Variants in NADSYN1 observed in about 807,000 individuals in gnomAD.
NADSYN1 encodes the protein glutamine-dependent NAD(+) synthetase.
In NADSYN1, 80 loss-of-function variants were observed where a neutral mutation model predicts 99.3. The ratio of observed to expected loss-of-function variants is 0.81; its 90% CI spans 0.67 to 0.97. The LOEUF (loss-of-function observed/expected upper bound fraction) is 0.97. Among genes scored for constraint, NADSYN1 ranks in the 50% least tolerant of loss-of-function variants. The pLI is 0.00. For missense variants in NADSYN1, 859 were observed against 948.5 expected, an observed-to-expected ratio of 0.91 and a Z score of 1.24; for synonymous variants, 385 against 372.1, an observed-to-expected ratio of 1.03 and a Z score of -0.40.
intron 5 of NADSYN1, among the ~76,000 whole-genome samples, chr11:71,469,113 A>C (rs1034040199): frequency 6.6e-5 from 10 of 152,022 alleles, no homozygotes; most frequent in Admixed American, 6.6e-4. Context: ...AACTGGCTCT[A>C]ATATTTCCAT....
intron 5 of NADSYN1, among the ~76,000 whole-genome samples, chr11:71,466,308 G>T (rs1949589074): frequency 6.6e-6 from 1 of 152,070 alleles, no homozygotes; most frequent in Non-Finnish European, 1.5e-5. Context: ...CACTTAACAT[G>T]CCCCCATCCT....
intron 9 of NADSYN1, chr11:71,474,809 C>G: frequency 2.4e-6 from 1 of 424,756 alleles, no homozygotes; most frequent in Non-Finnish European, 4.4e-6. Flanking sequence ...CTGATGGCCT[C>G]AAATTTACCT....
In NADSYN1 at chr11:71,464,134, G is replaced by C. The variant is rs926575716; in HGVS notation, c.399G>C (p.Ser133=). The change falls in exon 5 of 21, where the codon TCG becomes TCC. Residue 133 remains serine, a synonymous_variant. Coordinates refer to ENST00000319023, the MANE Select transcript of NADSYN1 (RefSeq NM_018161.5). ...YRELRWFTPW[S]RSRHTEEYFL... ...AGCTGCGCTGGTTCACCCCGTGGTC[G>C]AGGAGTCGGTGAGTCGGGTGCCTGA... The C allele has an allele frequency of 6.2e-7, 1 of 1,608,482 alleles. No homozygotes were observed. The highest frequency in any genetic ancestry group is 1.3e-5 in the African/African-American group (1 of 75,000).
In NADSYN1 at chr11:71,488,405, TGGA is replaced by T. The variant is rs1949758262; in HGVS notation, c.1563-2438_1563-2436del. On this transcript the variant is annotated intron_variant, in intron 16 of 20. Transcript: ENST00000319023. ...AAGGCCTGCGGGAGGCGAGGGTGGG[TGGA>T]GAAGAGCCCGTGAAGCCCTGAGTCA... 3.3e-5 allele frequency among the ~76,000 whole-genome samples: 5 copies of T among 151,686 alleles called. No individual in the cohort carries two copies. The South Asian group carries it at 1.0e-3, about 32-fold the overall frequency.
At position 71,474,442 on chromosome 11, in the gene NADSYN1, C is replaced by T. The variant is rs1949650617; in HGVS notation, c.714C>T (p.Asp238=). 2 of 1,614,104 alleles carry T rather than the reference C, an allele frequency of 1.2e-6. No homozygotes were observed. Among genetic ancestry groups the T allele is most frequent in the South Asian group, 2.2e-5 (2 of 91,084 alleles). Residue 238 remains aspartate (D), a synonymous_variant, in exon 9 of 21, where the codon GAC becomes GAT. Coordinates refer to ENST00000319023, the MANE Select transcript of NADSYN1 (RefSeq NM_018161.5). The part of the protein sequence containing the change: ...LLANQKGCDG[D]RLYYDGCAMI... ...CCAACCAGAAGGGTTGTGACGGGGA[C>T]CGCCTGTACTACGACGGCTGTGCCA...
In NADSYN1 at chr11:71,473,620, G is replaced by C; in HGVS notation, c.600G>C (p.Ser200=). The C allele has an allele frequency of 5.0e-6, 8 of 1,613,096 alleles. No individual in the cohort carries two copies. The highest frequency in any genetic ancestry group is 6.8e-6 in the Non-Finnish European group (8 of 1,179,840). Residue 200 remains serine (S), a synonymous_variant, in exon 8 of 21, where the codon TCG becomes TCC. Coordinates refer to ENST00000319023, the MANE Select transcript of NADSYN1 (RefSeq NM_018161.5). The stretch of plus-strand genomic sequence containing the variant: ...GCGTGGAGATCATCACCAACGCCTC[G>C]GGCAGCCACCAAGTGCTGCGCAAAG... ...LDGVEIITNA[S]GSHQVLRKAN...
At chr11:71,463,405 C>T (rs751709418) in intron 3 of NADSYN1, 27 bp from the exon 4 acceptor site, 339 of 1,605,920 alleles carry the variant, frequency 2.1e-4, no homozygotes, top group Non-Finnish European at 2.6e-4. Context: ...CGGGCAGACA[C>T]ACATGTACCT....
chr11:71,473,831 C>T, intron 8 of NADSYN1, 145 bp downstream of exon 8: 1 of 708,672 alleles, frequency 1.4e-6, no homozygotes, highest in Non-Finnish European at 2.4e-6. Context: ...AACAAGTGTG[C>T]CCTGCTGCCC....
In NADSYN1 at chr11:71,464,154, G is replaced by A. The variant is rs1362305372; in HGVS notation, c.407+12G>A. 1 of 1,595,882 alleles carries A rather than the reference G, an allele frequency of 6.3e-7. No homozygotes were observed. The highest frequency in any genetic ancestry group is 2.3e-5 in the East Asian group (1 of 44,404). ...TGGTCGAGGAGTCGGTGAGTCGGGT[G>A]CCTGACCACTCCTGGGATGTGCGTT... On this transcript the variant is annotated intron_variant, in intron 5 of 20. Coordinates refer to ENST00000319023, the MANE Select transcript of NADSYN1 (RefSeq NM_018161.5).
At position 71,480,804 on chromosome 11, in the gene NADSYN1, C is replaced by A. The variant is rs1383895796; in HGVS notation, c.923C>A (p.Ser308Ter). Residue 308 changes from serine (S) to a stop codon, truncating the protein, a stop_gained, in exon 11 of 21, where the codon TCG becomes TAG. Coordinates refer to ENST00000319023, the MANE Select transcript of NADSYN1 (RefSeq NM_018161.5). LOFTEE classifies it high-confidence loss of function. ...AGAGTGAAGGTGGACTTTGCCCTCT[C>A]GTGCCACGAGGACTTGCTGGCACCC... The part of the protein sequence containing the change: ...YPRVKVDFAL[S>*]CHEDLLAPIS... The A allele has an allele frequency of 6.2e-7, 1 of 1,614,186 alleles. No homozygotes were observed. Among genetic ancestry groups the A allele is most frequent in the Non-Finnish European group, 8.5e-7 (1 of 1,180,032 alleles).
chr11:71,477,294 C>G, intron 9 of NADSYN1: 1 of 1,271,064 alleles, frequency 7.9e-7, no homozygotes, highest in South Asian at 1.3e-5. Flanking sequence ...CGCCTTCCCT[C>G]ATCTCCATTG....
intron 17 of NADSYN1, 86 bp from the exon 18 acceptor site, chr11:71,491,748 C>T (rs1486153245): frequency 6.2e-5 from 80 of 1,293,892 alleles, no homozygotes; most frequent in East Asian, 1.9e-4. Flanking sequence ...CCAGCGTACT[C>T]GGGAAACTTA....
rs368772709 is a variant in NADSYN1, at chr11:71,482,988, G to T, written c.1290G>T (p.Arg430=). ...ACTCCTCCCAGGAGACGTGCACCCG[G>T]GCCAGAGAGTTGGCCCAGCAGATTG... ...SKNSSQETCT[R]ARELAQQIGS... is the part of the protein sequence containing the mutation. Residue 430 remains arginine (R), a synonymous_variant, in exon 14 of 21, where the codon CGG becomes CGT. Transcript: ENST00000319023. The T allele has an allele frequency of 1.9e-6, 3 of 1,612,212 alleles. No homozygotes were observed. The African/African-American group carries it at 4.0e-5, about 22-fold the overall frequency.
At chr11:71,481,483 ATTTT>A (rs368250598) in intron 12 of NADSYN1, 79 bp downstream of exon 12, 905 of 1,076,200 alleles carry the variant, frequency 8.4e-4, no homozygotes, top group Middle Eastern at 1.0e-3. Context: ...CAGGGTAGGG[ATTTT>A]TTTTTTTTTT....
At chr11:71,484,037 TC>T (rs1265581488) in intron 14 of NADSYN1, among the ~76,000 whole-genome samples, 1 of 152,160 alleles carries the variant, frequency 6.6e-6, no homozygotes, top group Non-Finnish European at 1.5e-5. Context: ...TCTGTCACTC[TC>T]TGCATCTGTC....
In NADSYN1 at chr11:71,453,438, G is replaced by C. The variant is rs1449528057; in HGVS notation, c.85+57G>C. 2.7e-6 allele frequency: 4 copies of C among 1,491,520 alleles called. No individual in the cohort carries two copies. The Admixed American group carries it at 7.1e-5, about 27-fold the overall frequency. The allele number at this position is 1,491,520 out of a possible 1,614,324, so 92.4% of individuals were successfully genotyped here. A position where few individuals can be genotyped will look rare whatever the true frequency, so the allele number is the denominator to read the frequency against. ...GGGTGGCGCACGGGCACCGTGGCTGGGCCCAGGCTTGCCCGTGGCGTGCTC... is the reference window on the plus strand; with the variant it reads ...GGGTGGCGCACGGGCACCGTGGCTGCGCCCAGGCTTGCCCGTGGCGTGCTC... On this transcript the variant is annotated intron_variant, in intron 1 of 20. Transcript: ENST00000319023.
intron 3 of NADSYN1, 175 bp downstream of exon 3, chr11:71,458,719 A>G: frequency 1.8e-6 from 1 of 570,748 alleles, no homozygotes; most frequent in Non-Finnish European, 3.2e-6. Flanking sequence ...AAGCCACCTC[A>G]TTTCCCCTGC....
At chr11:71,476,493 T>C (rs1434890172) in intron 9 of NADSYN1, 2 of 243,366 alleles carry the variant, frequency 8.2e-6, no homozygotes, top group Non-Finnish European at 1.4e-5. Context: ...ACCAGTTTCA[T>C]AGTGGACCAA....
chr11:71,465,851 A>G (rs1790344), intron 5 of NADSYN1, among the ~76,000 whole-genome samples: 42,844 of 151,948 alleles, frequency 0.28, 6,548 homozygotes, highest in South Asian at 0.46. Context: ...AAATTCTCCT[A>G]TTGTGTCTGT....
Sources: allele counts gnomAD v4.1 joint callset (sites outside exome capture counted in the v4.1 genomes callset), GRCh38; gene constraint gnomAD v4.1.1; transcripts MANE v1.5; gene names NCBI Gene and HGNC (gene_info 2026-07-23, HGNC 2026-07-21).